ANKHD1: variants seen among roughly 807,000 people sequenced by gnomAD.
ANKHD1 encodes the protein ankyrin repeat and KH domain containing 1, also known as ankyrin repeat and KH domain-containing protein 1.
ANKHD1 carries 31 observed loss-of-function variants against 230.5 expected under a neutral mutation model. The observed-to-expected ratio is 0.13, with a 90% CI of 0.10 to 0.18. The LOEUF is 0.18. Ranked by LOEUF, ANKHD1 falls within the 10% of genes least tolerant of loss-of-function variation. The pLI is 1.00. For synonymous variants in ANKHD1, 1,074 were observed against 1,117.6 expected, an observed-to-expected ratio of 0.96 and a Z score of 0.78; for missense variants, 2,256 against 3,071.3, an observed-to-expected ratio of 0.73 and a Z score of 6.27.
At position 140,488,825 on chromosome 5, in the gene ANKHD1, G is replaced by A. The variant is rs141267430; in HGVS notation, c.2245+1765G>A. On this transcript the variant is annotated intron_variant, in intron 14 of 33. Coordinates refer to ENST00000360839, the MANE Select transcript of ANKHD1 (RefSeq NM_017747.3). ...TGAGGCATGAGAATCACTTGAACCC[G>A]GGAGGCAGAGGTTGCAATAAGCCGA... is the stretch of plus-strand genomic sequence containing the variant. Among the ~76,000 whole-genome samples the A allele has an allele frequency of 3.8e-3, 585 of 151,972 alleles. 6 individuals carry two copies. Among genetic ancestry groups the A allele is most frequent in the African/African-American group, 0.014 (567 of 41,462 alleles).
chr5:140,481,909 C>T (rs1375129244), intron 10 of ANKHD1, among the ~76,000 whole-genome samples: 1 of 152,052 alleles, frequency 6.6e-6, no homozygotes, highest in African/African-American at 2.4e-5. Flanking sequence ...GACAGTATTA[C>T]TCACCATATA....
chr5:140,503,392 A>G (rs910212846), intron 15 of ANKHD1, among the ~76,000 whole-genome samples: 3 of 151,980 alleles, frequency 2.0e-5, no homozygotes, highest in African/African-American at 7.2e-5. Context: ...CATTTGCTAA[A>G]AACACTGTGT....
intron 24 of ANKHD1, among the ~76,000 whole-genome samples, chr5:140,516,813 C>A (rs1439060140): frequency 6.6e-6 from 1 of 151,338 alleles, no homozygotes; most frequent in Non-Finnish European, 1.5e-5. Flanking sequence ...AAGGAACAAC[C>A]GGTACCAGCC....
In ANKHD1 at chr5:140,402,239, G is replaced by C; in HGVS notation, c.272G>C (p.Gly91Ala). 6.6e-7 allele frequency: 1 copy of C among 1,513,140 alleles called. No individual in the cohort carries two copies. 93.7% of individuals were successfully genotyped at this position (1,513,140 alleles called of 1,614,324 possible). A position where few individuals can be genotyped will look rare whatever the true frequency, so the allele number is the denominator to read the frequency against. Reference protein sequence around the residue: ...AAVLRTGGGGGASGSDEDEVS... With the variant: ...AAVLRTGGGGAASGSDEDEVS... Reference sequence around the variant, plus strand: ...GTGCTGAGGACCGGGGGTGGAGGTGGTGCCTCTGGCAGTGACGAGGACGAA... The same window carrying C: ...GTGCTGAGGACCGGGGGTGGAGGTGCTGCCTCTGGCAGTGACGAGGACGAA... The change falls in exon 1 of 34, where the codon GGT becomes GCT. Residue 91 changes from glycine (G) to alanine (A), a missense_variant. By Grantham distance (60) the Gly-to-Ala change is moderately conservative. This residue lies in a region of ANKHD1 where 193 missense variants were observed against 185.8 expected (regional missense o/e 1.04). Transcript: ENST00000360839.
In ANKHD1 at chr5:140,418,112, G is replaced by A. The variant is rs192465222; in HGVS notation, c.306+15839G>A. ...CCTCCTCGGCCTCCCAAAGTGCTGG[G>A]ATTACAGGCGTGAGCCACCGGGTCC... On this transcript the variant is annotated intron_variant, in intron 1 of 33. Transcript: ENST00000360839. Among the ~76,000 whole-genome samples, 222 of 150,962 alleles carry A rather than the reference G, an allele frequency of 1.5e-3. 4 individuals are homozygous for A. The highest frequency in any genetic ancestry group is 7.3e-3 in the Admixed American group (110 of 15,156).
intron 10 of ANKHD1, among the ~76,000 whole-genome samples, chr5:140,469,105 C>T (rs1260016619): frequency 2.0e-5 from 3 of 151,864 alleles, no homozygotes; most frequent in Non-Finnish European, 4.4e-5. Context: ...CTCCTTCCTT[C>T]CCTCCCTTCT....
In ANKHD1 at chr5:140,453,722, A is replaced by G. The variant is rs1453517090; in HGVS notation, c.1242+4417A>G. On this transcript the variant is annotated intron_variant, in intron 7 of 33. Coordinates refer to ENST00000360839, the MANE Select transcript of ANKHD1 (RefSeq NM_017747.3). ...AGAGCTCCTGAAGGAAGCACTAAAC[A>G]TGGAAAGGAACAACTGGTACCAGCC... Among the ~76,000 whole-genome samples the G allele has an allele frequency of 2.0e-5, 3 of 152,334 alleles. No individual in the cohort carries two copies. The South Asian group carries it at 6.2e-4, about 32-fold the overall frequency.
At chr5:140,492,904 C>G (rs1291603332) in intron 14 of ANKHD1, among the ~76,000 whole-genome samples, 2 of 152,076 alleles carry the variant, frequency 1.3e-5, no homozygotes, top group Non-Finnish European at 2.9e-5. Flanking sequence ...ATGTCCACCT[C>G]ATTCCTTCAC....
chr5:140,479,145 C>T (rs1048256809), intron 10 of ANKHD1, among the ~76,000 whole-genome samples: 3 of 151,666 alleles, frequency 2.0e-5, no homozygotes, highest in Admixed American at 6.6e-5. Context: ...CTACAGGCAC[C>T]CGCCACCACG....
At chr5:140,468,545 T>C (rs1450465723) in intron 10 of ANKHD1, among the ~76,000 whole-genome samples, 1 of 152,204 alleles carries the variant, frequency 6.6e-6, no homozygotes, top group East Asian at 1.9e-4. Context: ...AAATATCTTA[T>C]GGATCAGTTT....
In ANKHD1 at chr5:140,420,120, A is replaced by G. The variant is rs115460832; in HGVS notation, c.307-15984A>G. On this transcript the variant is annotated intron_variant, in intron 1 of 33. Transcript: ENST00000360839. The stretch of plus-strand genomic sequence containing the variant: ...AAACAATTCTCCCCTCAGCCTCCCA[A>G]GTAGCTGGACTACAGGTGCACACCA... 3.6e-3 allele frequency among the ~76,000 whole-genome samples: 532 copies of G among 149,372 alleles called. 5 individuals are homozygous for G. Among genetic ancestry groups the G allele is most frequent in the African/African-American group, 0.013 (518 of 40,366 alleles).
At chr5:140,440,620 T>A (rs1325844350) in intron 4 of ANKHD1, among the ~76,000 whole-genome samples, 1 of 152,196 alleles carries the variant, frequency 6.6e-6, no homozygotes, top group African/African-American at 2.4e-5. Context: ...TCTTTTAATT[T>A]TTTTCCTTCT....
intron 21 of ANKHD1, 98 bp downstream of exon 21, chr5:140,509,910 T>G: frequency 1.3e-6 from 2 of 1,543,596 alleles, no homozygotes; most frequent in Non-Finnish European, 1.7e-6. Context: ...TTGATATTGT[T>G]AAGAAAAGAT....
chr5:140,411,830 T>A (rs575457430), intron 1 of ANKHD1, among the ~76,000 whole-genome samples: 128 of 151,580 alleles, frequency 8.4e-4, no homozygotes, highest in African/African-American at 2.8e-3. Context: ...GGCCTTTTTT[T>A]AAATTTTTTT....
Position 140,539,559 on chromosome 5 carries a change from A to C in ANKHD1, c.*141A>C, listed in dbSNP as rs1369318480. ...TTTGATTGCCCATTGTATAAGAACA[A>C]ATTGATTTCCTATCCACCTGATTAT... is the stretch of plus-strand genomic sequence containing the variant. On this transcript the variant is annotated 3_prime_UTR_variant, in exon 34 of 34. Coordinates refer to ENST00000360839, the MANE Select transcript of ANKHD1 (RefSeq NM_017747.3). 3 of 921,654 alleles carry C rather than the reference A, an allele frequency of 3.3e-6. No individual in the cohort carries two copies. Among genetic ancestry groups the C allele is most frequent in the African/African-American group, 3.3e-5 (2 of 59,706 alleles). 57.1% of individuals were successfully genotyped at this position (921,654 alleles called of 1,614,324 possible).
intron 10 of ANKHD1, among the ~76,000 whole-genome samples, chr5:140,480,219 A>G (rs1192967914): frequency 2.0e-5 from 3 of 152,074 alleles, no homozygotes; most frequent in Admixed American, 2.0e-4. Flanking sequence ...AAGGGAATGA[A>G]TGTATATTTA....
At chr5:140,500,001 T>G (rs1752213100) in intron 15 of ANKHD1, among the ~76,000 whole-genome samples, 1 of 151,910 alleles carries the variant, frequency 6.6e-6, no homozygotes, top group Non-Finnish European at 1.5e-5. Flanking sequence ...TCCGAGTAAC[T>G]GGGATTACAG....
chr5:140,410,954 G>A (rs1770874483), intron 1 of ANKHD1, among the ~76,000 whole-genome samples: 1 of 152,152 alleles, frequency 6.6e-6, no homozygotes, highest in African/African-American at 2.4e-5. Flanking sequence ...GACTGGTAAA[G>A]GTGGGATTTG....
At chr5:140,505,966 T>C in intron 18 of ANKHD1, 97 bp downstream of exon 18, 1 of 1,501,964 alleles carries the variant, frequency 6.7e-7, no homozygotes, top group Non-Finnish European at 8.9e-7. Context: ...AATTTGCATG[T>C]ATTTTGTGTG....
Sources: gnomAD v4.1 joint callset for allele counts (sites outside exome capture counted in the v4.1 genomes callset) on GRCh38, gnomAD v4.1.1 for gene constraint, gnomAD v4.1.1 regional missense constraint, MANE v1.5 for transcripts, NCBI Gene and HGNC (gene_info 2026-07-23, HGNC 2026-07-21) for gene names.